Variants in FNBP1L observed in about 807,000 individuals in gnomAD.
FNBP1L encodes formin-binding protein 1-like.
In FNBP1L, 36 loss-of-function variants were observed where a neutral mutation model predicts 91.2. That is an observed-to-expected ratio of 0.39 (90% CI 0.30 to 0.52). FNBP1L has a LOEUF of 0.52. Among genes scored for constraint, FNBP1L ranks in the 20% least tolerant of loss-of-function variants. The pLI, the probability that FNBP1L is intolerant of heterozygous loss-of-function variation, is 0.66. For synonymous variants in FNBP1L, 242 were observed against 237.0 expected, an observed-to-expected ratio of 1.02 and a Z score of -0.19; for missense variants, 571 against 732.1, an observed-to-expected ratio of 0.78 and a Z score of 2.54.
intron 1 of FNBP1L, among the ~76,000 whole-genome samples, chr1:93,455,774 T>G (rs1175000969): frequency 6.6e-6 from 1 of 152,278 alleles, no homozygotes; most frequent in Admixed American, 6.5e-5. Flanking sequence ...GCTTTAAAAC[T>G]GCAAATTGTG....
At position 93,549,344 on chromosome 1, in the gene FNBP1L, C is replaced by A; in HGVS notation, c.1569C>A (p.His523Gln). The change falls in exon 15 of 17, where the codon CAC becomes CAA. Residue 523 changes from histidine to glutamine, a missense_variant. Physicochemically the swap from His to Gln is conservative, Grantham distance 24 (BLOSUM62 0). Around this residue, in one of 5 missense-constraint regions of FNBP1L, gnomAD observed 189 missense variants for 219.7 expected, o/e 0.86. Transcript: ENST00000271234. ...EVRGPPQQHG[H>Q]HNEFDDEFED... is the part of the protein sequence containing the mutation. ...GTGGGCCACCCCAGCAGCATGGTCA[C>A]CACAATGAGTTTGATGATGAATTTG... The A allele has an allele frequency of 6.2e-7, 1 of 1,612,920 alleles. No homozygotes were observed. The highest frequency in any genetic ancestry group is 1.1e-5 in the South Asian group (1 of 90,984).
At chr1:93,534,607 CTT>C in intron 8 of FNBP1L, 96 bp from the exon 9 acceptor site, 1 of 692,754 alleles carries the variant, frequency 1.4e-6, no homozygotes, top group Non-Finnish European at 2.3e-6. Flanking sequence ...TTTATTTAAA[CTT>C]ATATTTGTTG....
At chr1:93,473,243 A>T (rs1669368472) in intron 1 of FNBP1L, among the ~76,000 whole-genome samples, 1 of 152,204 alleles carries the variant, frequency 6.6e-6, no homozygotes. Flanking sequence ...TTCTGGTCAA[A>T]AATCTTTCTG....
At position 93,476,230 on chromosome 1, in the gene FNBP1L, A is replaced by C. The variant is rs1406511505; in HGVS notation, c.25-23238A>C. ...TTAAAGTATTTATTCAGCTCTTAGT[A>C]GACTGTAAACTCTTAAGTGTAGAAT... On this transcript the variant is annotated intron_variant, in intron 1 of 16. Transcript: ENST00000271234. Among the ~76,000 whole-genome samples the C allele has an allele frequency of 2.6e-5, 4 of 152,344 alleles. No individual in the cohort carries two copies. The East Asian group carries it at 7.7e-4, about 29-fold the overall frequency.
intron 1 of FNBP1L, among the ~76,000 whole-genome samples, chr1:93,487,058 T>TA (rs1339900295): frequency 6.6e-6 from 1 of 152,210 alleles, no homozygotes; most frequent in Admixed American, 6.5e-5. Context: ...GTCAGGCTCT[T>TA]ACCCTCATTA....
At chr1:93,476,271 T>C (rs994139229) in intron 1 of FNBP1L, among the ~76,000 whole-genome samples, 1 of 152,204 alleles carries the variant, frequency 6.6e-6, no homozygotes, top group African/African-American at 2.4e-5. Flanking sequence ...TTTAATTCTT[T>C]GTATCTTCCA....
At chr1:93,465,975 T>C (rs187296032) in intron 1 of FNBP1L, among the ~76,000 whole-genome samples, 1 of 152,382 alleles carries the variant, frequency 6.6e-6, no homozygotes, top group African/African-American at 2.4e-5. Context: ...CATTTTTTCA[T>C]GTGTCTGTTG....
intron 3 of FNBP1L, among the ~76,000 whole-genome samples, chr1:93,522,779 T>TA (rs1250371948): frequency 6.6e-6 from 1 of 152,212 alleles, no homozygotes; most frequent in Non-Finnish European, 1.5e-5. Flanking sequence ...TATACATTAA[T>TA]ACAGTGATTC....
chr1:93,507,462 C>T (rs966821934), intron 2 of FNBP1L, among the ~76,000 whole-genome samples: 2 of 151,958 alleles, frequency 1.3e-5, no homozygotes, highest in Non-Finnish European at 2.9e-5. Context: ...TTGCACTTAC[C>T]TATTAAAATT....
chr1:93,514,613 G>C (rs540578723), intron 2 of FNBP1L, among the ~76,000 whole-genome samples: 75 of 152,240 alleles, frequency 4.9e-4, no homozygotes, highest in African/African-American at 1.8e-3. Flanking sequence ...AAATAACGCC[G>C]CATGTCTACA....
intron 2 of FNBP1L, among the ~76,000 whole-genome samples, chr1:93,517,671 T>C (rs1205769679): frequency 6.6e-6 from 1 of 152,272 alleles, no homozygotes; most frequent in African/African-American, 2.4e-5. Flanking sequence ...TAGTGGGACA[T>C]AGTTTGTTTA....
chr1:93,456,602 CAAAAAA>C (rs60167572), intron 1 of FNBP1L, among the ~76,000 whole-genome samples: 1 of 53,372 alleles, frequency 1.9e-5, no homozygotes, highest in Non-Finnish European at 4.3e-5. Context: ...CCTTCTCTAC[CAAAAAA>C]AAAAAAAAAA....
At chr1:93,490,546 TGA>T (rs1470487170) in intron 1 of FNBP1L, among the ~76,000 whole-genome samples, 1 of 152,042 alleles carries the variant, frequency 6.6e-6, no homozygotes, top group East Asian at 1.9e-4. Flanking sequence ...GAAAAGGAAG[TGA>T]GAGGATATTT....
At chr1:93,462,672 A>G (rs1668913508) in intron 1 of FNBP1L, among the ~76,000 whole-genome samples, 3 of 152,052 alleles carry the variant, frequency 2.0e-5, no homozygotes, top group Admixed American at 2.0e-4. Flanking sequence ...ATTAGACTGG[A>G]GTTAATGGGT....
intron 1 of FNBP1L, among the ~76,000 whole-genome samples, chr1:93,449,407 C>T (rs879468768): frequency 6.6e-6 from 1 of 152,082 alleles, no homozygotes; most frequent in Non-Finnish European, 1.5e-5. Flanking sequence ...GCCTTTTGTT[C>T]GCGAGGATCT....
At chr1:93,511,791 C>A (rs1183776262) in intron 2 of FNBP1L, among the ~76,000 whole-genome samples, 1 of 151,530 alleles carries the variant, frequency 6.6e-6, no homozygotes, top group East Asian at 1.9e-4. Context: ...ACGGTGAAAC[C>A]CCGTCTCTAC....
intron 1 of FNBP1L, among the ~76,000 whole-genome samples, chr1:93,451,394 T>C (rs1186145573): frequency 6.6e-6 from 1 of 152,118 alleles, no homozygotes; most frequent in Admixed American, 6.5e-5. Context: ...AAAATCTGTG[T>C]ATGGGTTGTG....
intron 1 of FNBP1L, among the ~76,000 whole-genome samples, chr1:93,470,560 A>G (rs1669248165): frequency 6.6e-6 from 1 of 152,154 alleles, no homozygotes; most frequent in African/African-American, 2.4e-5. Context: ...GTTAGATGTC[A>G]ATAGTTTCAG....
chr1:93,534,433 G>T (rs1454490616), intron 8 of FNBP1L, among the ~76,000 whole-genome samples: 86 of 152,156 alleles, frequency 5.7e-4, no homozygotes, highest in Non-Finnish European at 1.5e-5. Context: ...GTCTTCAGAT[G>T]AATTTCAGGT....
Sources: allele counts gnomAD v4.1 joint callset (sites outside exome capture counted in the v4.1 genomes callset), GRCh38; gene constraint gnomAD v4.1.1; regional missense constraint gnomAD v4.1.1; transcripts MANE v1.5; gene names NCBI Gene and HGNC (gene_info 2026-07-23, HGNC 2026-07-21).